The following MTHFD2L variants were observed in gnomAD, a reference collection of about 807,000 sequenced individuals.
The protein encoded by MTHFD2L is methylenetetrahydrofolate dehydrogenase (NADP+ dependent) 2 like, also known as bifunctional methylenetetrahydrofolate dehydrogenase/cyclohydrolase 2, mitochondrial.
Under a neutral mutation model 34.9 loss-of-function variants are expected in MTHFD2L, and 29 were observed. The observed-to-expected ratio is 0.83, with a 90% confidence interval of 0.62 to 1.13. The LOEUF (loss-of-function observed/expected upper bound fraction) is 1.13. MTHFD2L is among the 50% of genes most tolerant of loss of function. The pLI is 0.00. For synonymous variants in MTHFD2L, 167 were observed against 155.7 expected (o/e 1.07, Z -0.54); for missense variants, 481 against 446.5 (o/e 1.08, Z -0.70).
At chr4:74,226,595 G>T (rs541529984) in intron 6 of MTHFD2L, among the ~76,000 whole-genome samples, 21 of 152,232 alleles carry the variant, frequency 1.4e-4, no homozygotes, top group African/African-American at 4.8e-4. Flanking sequence ...CTTGTGTATG[G>T]ATAATTCACT....
intron 6 of MTHFD2L, among the ~76,000 whole-genome samples, chr4:74,230,252 G>A (rs183232184): frequency 6.6e-6 from 1 of 152,266 alleles, no homozygotes; most frequent in Admixed American, 6.5e-5. Flanking sequence ...GTCATTAAGT[G>A]TATGAATGGA....
chr4:74,268,705 A>C (rs1212107878), intron 6 of MTHFD2L, among the ~76,000 whole-genome samples: 1 of 152,156 alleles, frequency 6.6e-6, no homozygotes, highest in African/African-American at 2.4e-5. Flanking sequence ...TAGGGAAGTG[A>C]TTAATTTTTT....
At chr4:74,180,813 ACTC>A in intron 3 of MTHFD2L, 1 of 328,410 alleles carries the variant, frequency 3.0e-6, no homozygotes, top group South Asian at 2.3e-5. Flanking sequence ...ATGCTTTCCT[ACTC>A]CTGTCCTGAC....
At chr4:74,135,259 C>T (rs1329307280) in intron 1 of MTHFD2L, among the ~76,000 whole-genome samples, 2 of 151,422 alleles carry the variant, frequency 1.3e-5, no homozygotes, top group Admixed American at 6.6e-5. Context: ...TCATCTTTAG[C>T]CAGAATAAGA....
In MTHFD2L at chr4:74,267,883, G is replaced by A. The variant is rs776909677; in HGVS notation, c.806-13542G>A. On this transcript the variant is annotated intron_variant, in intron 6 of 7. Transcript: ENST00000325278. The stretch of plus-strand genomic sequence containing the variant: ...ATAAGAGGATTCCAAAGCCCTAGAC[G>A]ATCCAATATGGCACAGAGCAGAGCC... The A allele has an allele frequency of 4.9e-5, 48 of 985,124 alleles. No homozygotes were observed. In the African/African-American group the frequency reaches 5.1e-4, roughly 10 times the overall value. 61.0% of individuals were successfully genotyped at this position (985,124 alleles called of 1,614,324 possible). A position where few individuals can be genotyped will look rare whatever the true frequency, so the allele number is the denominator to read the frequency against.
intron 1 of MTHFD2L, among the ~76,000 whole-genome samples, chr4:74,132,812 G>A (rs375118365): frequency 1.7e-4 from 26 of 152,074 alleles, no homozygotes; most frequent in African/African-American, 6.0e-4. Flanking sequence ...ATATCAGTTC[G>A]CATATTTTAA....
chr4:74,233,830 T>G (rs1740447210), intron 6 of MTHFD2L, among the ~76,000 whole-genome samples: 2 of 152,052 alleles, frequency 1.3e-5, no homozygotes, highest in Admixed American at 6.6e-5. Context: ...TTACAGGGAC[T>G]TTTGAAAAGG....
chr4:74,166,177 A>G (rs1220812609), intron 1 of MTHFD2L, among the ~76,000 whole-genome samples: 3 of 152,252 alleles, frequency 2.0e-5, no homozygotes, highest in Non-Finnish European at 4.4e-5. Context: ...TTGAAACAGC[A>G]GAAATCTGTT....
At chr4:74,158,328 G>A in intron 1 of MTHFD2L, 47 bp downstream of exon 1, 1 of 1,209,844 alleles carries the variant, frequency 8.3e-7, no homozygotes, top group Non-Finnish European at 1.0e-6. Flanking sequence ...GCGGTGGGAG[G>A]TCGGCGGGGG....
intron 1 of MTHFD2L, chr4:74,160,137 T>TTG: frequency 2.4e-6 from 3 of 1,244,202 alleles, no homozygotes; most frequent in Non-Finnish European, 3.2e-6. Flanking sequence ...GTCATCTTTT[T>TTG]TATATATATA....
At chr4:74,177,700 A>G (rs1729310898) in intron 3 of MTHFD2L, among the ~76,000 whole-genome samples, 1 of 151,932 alleles carries the variant, frequency 6.6e-6, no homozygotes, top group Non-Finnish European at 1.5e-5. Context: ...CAGTTCCTCA[A>G]AAAATTAAAA....
chr4:74,183,873 A>G (rs1357410826), intron 3 of MTHFD2L: 1 of 152,124 alleles, frequency 6.6e-6, no homozygotes, highest in Non-Finnish European at 1.5e-5. Context: ...AAAGCCAAAA[A>G]CAATGTAGTT....
intron 3 of MTHFD2L, among the ~76,000 whole-genome samples, chr4:74,177,210 A>C (rs757816617): frequency 3.3e-5 from 5 of 152,010 alleles, no homozygotes; most frequent in Non-Finnish European, 5.9e-5. Context: ...TAGGAAAATG[A>C]GATCTAGAGA....
At chr4:74,220,495 G>A (rs1210298819) in intron 5 of MTHFD2L, among the ~76,000 whole-genome samples, 1 of 151,786 alleles carries the variant, frequency 6.6e-6, no homozygotes, top group Non-Finnish European at 1.5e-5. Flanking sequence ...ATTGGACTTT[G>A]ATTATATTTT....
At position 74,176,459 on chromosome 4, in the gene MTHFD2L, T is replaced by C. The variant is rs374089835; in HGVS notation, c.451+1056T>C. 1.7e-3 allele frequency among the ~76,000 whole-genome samples: 252 copies of C among 152,200 alleles called. 3 individuals are homozygous for C. The highest frequency in any genetic ancestry group is 3.4e-3 in the Middle Eastern group (1 of 294). ...TTTGTTTCTTTGCTATACTTTCACTTTTATAGGCTAATCCCCTCTGTCTGT... is the reference window on the plus strand; with the variant it reads ...TTTGTTTCTTTGCTATACTTTCACTCTTATAGGCTAATCCCCTCTGTCTGT... On this transcript the variant is annotated intron_variant, in intron 3 of 7. Transcript: ENST00000325278.
rs563235196 is a variant in MTHFD2L at position 74,171,753 on chromosome 4, A to C, written c.144-2753A>C. Among the ~76,000 whole-genome samples the C allele has an allele frequency of 2.0e-5, 3 of 152,286 alleles. No homozygotes were observed. In the South Asian group the frequency reaches 6.2e-4, roughly 32 times the overall value. On this transcript the variant is annotated intron_variant, in intron 1 of 7. Transcript: ENST00000325278. ...AGGAGGCGGAGGTTGTAGTGAGCCG[A>C]GATCTTGCCACTGAACTGCAGCCTG...
intron 6 of MTHFD2L, among the ~76,000 whole-genome samples, chr4:74,266,281 GTCA>G (rs1745278343): frequency 6.6e-6 from 1 of 152,130 alleles, no homozygotes; most frequent in African/African-American, 2.4e-5. Flanking sequence ...AAATGAGCTA[GTCA>G]TCATCTGATT....
At chr4:74,196,084 G>A (rs973997945) in intron 3 of MTHFD2L, among the ~76,000 whole-genome samples, 1 of 152,070 alleles carries the variant, frequency 6.6e-6, no homozygotes, top group Non-Finnish European at 1.5e-5. Context: ...GTTTAAGACA[G>A]ACTGTGTCCT....
chr4:74,140,574 G>A (rs900810667), intron 1 of MTHFD2L: 1 of 977,204 alleles, frequency 1.0e-6, no homozygotes. Context: ...CTACAAAAAA[G>A]GCAATATAAT....
Sources: gnomAD v4.1 joint callset for allele counts (sites outside exome capture counted in the v4.1 genomes callset) on GRCh38, gnomAD v4.1.1 for gene constraint, MANE v1.5 for transcripts, NCBI Gene and HGNC (gene_info 2026-07-23, HGNC 2026-07-21) for gene names.